The following XRCC2 variants were observed in gnomAD, a reference collection of about 807,000 sequenced individuals.
XRCC2 encodes DNA repair protein XRCC2.
In XRCC2, 24 loss-of-function variants were observed where a neutral mutation model predicts 27.3. That is an observed-to-expected ratio of 0.88 (90% CI 0.64 to 1.24). The LOEUF (loss-of-function observed/expected upper bound fraction) is 1.24, where lower values mean the gene tolerates loss of function less well. Ranked by LOEUF, XRCC2 falls within the 50% of genes most tolerant of loss-of-function variation. The probability of loss-of-function intolerance (pLI) is 0.00; values close to 1 mark genes in which losing one functional copy is unlikely to be tolerated. For missense variants in XRCC2, 321 were observed against 325.8 expected, an observed-to-expected ratio of 0.99 and a Z score of 0.11; for synonymous variants, 106 against 115.4, an observed-to-expected ratio of 0.92 and a Z score of 0.52.
chr7:152,654,425 A>AAAACCAGGAAG (rs2098029889), intron 2 of XRCC2, among the ~76,000 whole-genome samples: 5 of 152,186 alleles, frequency 3.3e-5, no homozygotes, highest in Admixed American at 6.5e-5. Context: ...AACCAGGAAG[A>AAAACCAGGAAG]AAAACATTAC....
chr7:152,668,071 A>G (rs972907102), intron 1 of XRCC2, among the ~76,000 whole-genome samples: 10 of 152,038 alleles, frequency 6.6e-5, no homozygotes, highest in African/African-American at 1.7e-4. Context: ...CAGAAAATAC[A>G]CTGGTCCCCC....
intron 1 of XRCC2, chr7:152,664,078 T>C (rs1401331487): frequency 2.0e-5 from 3 of 152,254 alleles, no homozygotes; most frequent in African/African-American, 7.2e-5. Context: ...TCACACATTG[T>C]TGCTGGGAGA....
intron 1 of XRCC2, among the ~76,000 whole-genome samples, chr7:152,673,243 C>T (rs1177283919): frequency 1.3e-5 from 2 of 152,072 alleles, no homozygotes; most frequent in African/African-American, 4.8e-5. Flanking sequence ...AGTGCAGTGG[C>T]GTGATGTCGG....
chr7:152,647,709 GGT>G lies in XRCC2; in HGVS notation c.*931_*932del, dbSNP rs996640362. On this transcript the variant is annotated 3_prime_UTR_variant, in exon 3 of 3. Transcript: ENST00000359321. The stretch of plus-strand genomic sequence containing the variant: ...TTCATCGAAGATCAAAAAAATTATA[GGT>G]GTGTGGTCTCATTTCTAAATTCTCT... 1 of 152,122 alleles carries G rather than the reference GGT, an allele frequency of 6.6e-6. No individual in the cohort carries two copies. The highest frequency in any genetic ancestry group is 6.6e-5 in the Admixed American group (1 of 15,254). 9.4% of individuals were successfully genotyped at this position (152,122 alleles called of 1,614,324 possible).
chr7:152,660,978 C>T (rs985484951), intron 1 of XRCC2, among the ~76,000 whole-genome samples, 196 bp from the exon 2 acceptor site: 1 of 152,036 alleles, frequency 6.6e-6, no homozygotes, highest in Non-Finnish European at 1.5e-5. Flanking sequence ...CCAGCCTGGG[C>T]GACATGGTGA....
chr7:152,676,027 C>A lies in XRCC2; in HGVS notation c.39+14G>T. 6.2e-7 allele frequency: 1 copy of A among 1,613,736 alleles called. No individual in the cohort carries two copies. The highest frequency in any genetic ancestry group is 8.5e-7 in the Non-Finnish European group (1 of 1,179,792). ...TGTTCCCATCTCCCTCACTCCCAAC[C>A]CGGCGGCTCTCACCTCGGTCCCAGA... On this transcript the variant is annotated intron_variant, in intron 1 of 2. Transcript: ENST00000359321.
chr7:152,652,064 C>G (rs1212272584), intron 2 of XRCC2, among the ~76,000 whole-genome samples: 1 of 151,760 alleles, frequency 6.6e-6, no homozygotes, highest in East Asian at 2.0e-4. Context: ...CCAGTCTCAG[C>G]TACTCAGGGT....
At chr7:152,654,799 A>G (rs1443153969) in intron 2 of XRCC2, among the ~76,000 whole-genome samples, 1 of 152,226 alleles carries the variant, frequency 6.6e-6, no homozygotes, top group African/African-American at 2.4e-5. Flanking sequence ...AAGCAGGTAT[A>G]AAAAAGGCTT....
At chr7:152,663,330 A>G (rs889705434) in intron 1 of XRCC2, among the ~76,000 whole-genome samples, 2 of 125,302 alleles carry the variant, frequency 1.6e-5, no homozygotes, top group Admixed American at 9.5e-5. Context: ...AGCTTTACGT[A>G]AGAATGTCTT....
intron 1 of XRCC2, among the ~76,000 whole-genome samples, chr7:152,672,538 A>C (rs1385135334): frequency 6.6e-6 from 1 of 152,196 alleles, no homozygotes; most frequent in African/African-American, 2.4e-5. Context: ...AGTACAGCAA[A>C]GGTTAAATGA....
intron 2 of XRCC2, among the ~76,000 whole-genome samples, chr7:152,654,468 C>CAG: frequency 6.6e-6 from 1 of 152,118 alleles, no homozygotes; most frequent in South Asian, 2.1e-4. Context: ...GAAAATGAAA[C>CAG]TACTAAATAA....
At chr7:152,663,560 C>T (rs112147039) in intron 1 of XRCC2, among the ~76,000 whole-genome samples, 2,028 of 152,124 alleles carry the variant, frequency 0.013, 43 homozygotes, top group African/African-American at 0.046. Context: ...GTCTTTGGGC[C>T]GGGCACAGTG....
intron 1 of XRCC2, among the ~76,000 whole-genome samples, chr7:152,670,740 C>T (rs1362150157): frequency 2.0e-5 from 3 of 151,922 alleles, no homozygotes; most frequent in Admixed American, 6.6e-5. Context: ...GCTGGGATTA[C>T]AGGTGTGTGC....
chr7:152,659,353 G>T (rs1313679421), intron 2 of XRCC2, among the ~76,000 whole-genome samples: 2 of 152,162 alleles, frequency 1.3e-5, no homozygotes. Flanking sequence ...TTCATTTTTA[G>T]TAGAGATGGG....
At chr7:152,670,027 T>A (rs2098037540) in intron 1 of XRCC2, among the ~76,000 whole-genome samples, 1 of 152,078 alleles carries the variant, frequency 6.6e-6, no homozygotes, top group Admixed American at 6.6e-5. Flanking sequence ...AGTTGGCCAA[T>A]TCTAATCTGC....
rs1026505502 is a variant in XRCC2, at chr7:152,656,856, C to G, written c.121+3845G>C. On this transcript the variant is annotated intron_variant, in intron 2 of 2. Transcript: ENST00000359321. Reference sequence around the variant, plus strand: ...TGTACAAAAAATACTAAAGGGAGTCCTGCAGGCTGAATGAAAGGACACAGT... The same window carrying G: ...TGTACAAAAAATACTAAAGGGAGTCGTGCAGGCTGAATGAAAGGACACAGT... Among the ~76,000 whole-genome samples the G allele has an allele frequency of 1.1e-4, 17 of 152,068 alleles. 1 individual carries two copies. The highest frequency in any genetic ancestry group is 3.3e-4 in the Admixed American group (5 of 15,268).
At chr7:152,667,394 A>G (rs1334021514) in intron 1 of XRCC2, among the ~76,000 whole-genome samples, 7 of 125,658 alleles carry the variant, frequency 5.6e-5, no homozygotes, top group Admixed American at 8.4e-5. Context: ...AACAAGAGCA[A>G]AACTCCGTCT....
intron 1 of XRCC2, among the ~76,000 whole-genome samples, chr7:152,662,229 C>G (rs1421709153): frequency 1.3e-5 from 2 of 151,966 alleles, no homozygotes; most frequent in Non-Finnish European, 2.9e-5. Context: ...GCCTCCCAAT[C>G]TGCTGGGATT....
intron 2 of XRCC2, among the ~76,000 whole-genome samples, chr7:152,655,377 C>T (rs934451930): frequency 6.6e-6 from 1 of 152,192 alleles, no homozygotes; most frequent in African/African-American, 2.4e-5. Context: ...TGAATTGGTA[C>T]ATGGTACTGA....
Sources: allele counts gnomAD v4.1 joint callset (sites outside exome capture counted in the v4.1 genomes callset), GRCh38; gene constraint gnomAD v4.1.1; transcripts MANE v1.5; gene names NCBI Gene and HGNC (gene_info 2026-07-23, HGNC 2026-07-21).